USF1: variants seen among roughly 807,000 people sequenced by gnomAD.
USF1 encodes the protein upstream transcription factor 1.
USF1 carries 22 observed loss-of-function variants against 46.3 expected under a neutral mutation model. The ratio of observed to expected loss-of-function variants is 0.47; its 90% CI spans 0.34 to 0.68. The LOEUF is 0.68. Among genes scored for constraint, USF1 ranks in the 30% least tolerant of loss-of-function variants. The pLI is 0.01. For synonymous variants in USF1, 150 were observed against 147.0 expected, an observed-to-expected ratio of 1.02 and a Z score of -0.15; for missense variants, 287 against 399.3, an observed-to-expected ratio of 0.72 and a Z score of 2.40.
Position 161,042,582 on chromosome 1 carries a change from G to A in USF1, c.147C>T (p.Tyr49=), listed in dbSNP as rs759496934. The stretch of plus-strand genomic sequence containing the variant: ...GGCCCCCATTCTCAGTTCGGAAGAC[G>A]TACTTGACGTTGGGGTCAGGGAAGG... ...AATFPDPNVK[Y]VFRTENGGQV... The change falls in exon 4 of 11, where the codon TAC becomes TAT. Residue 49 remains tyrosine, a synonymous_variant. Transcript: ENST00000368021. The A allele has an allele frequency of 8.7e-6, 14 of 1,614,242 alleles. No individual in the cohort carries two copies. Among genetic ancestry groups the A allele is most frequent in the East Asian group, 6.7e-5 (3 of 44,892 alleles).
At chr1:161,043,467 C>A in intron 1 of USF1, 107 bp from the exon 2 acceptor site, 1 of 795,460 alleles carries the variant, frequency 1.3e-6, no homozygotes, top group Non-Finnish European at 2.0e-6. Context: ...ACCCAGTCAT[C>A]TGCAGGGGAC....
chr1:161,045,135 G>C (rs1033129524), intron 1 of USF1, among the ~76,000 whole-genome samples: 7 of 152,188 alleles, frequency 4.6e-5, no homozygotes, highest in Admixed American at 2.0e-4. Context: ...CTGACTGCAG[G>C]GGAAGGCAAT....
rs2102011051 is a variant in USF1 at position 161,040,262 on chromosome 1, C to T, written c.783G>A (p.Leu261=). 6.2e-7 allele frequency: 1 copy of T among 1,614,172 alleles called. No individual in the cohort carries two copies. Among genetic ancestry groups the T allele is most frequent in the Non-Finnish European group, 8.5e-7 (1 of 1,180,036 alleles). The change falls in exon 10 of 11, where the codon TTG becomes TTA. Residue 261 remains leucine (L), a synonymous_variant. Coordinates refer to ENST00000368021, the MANE Select transcript of USF1 (RefSeq NM_007122.5). The surrounding 1 kb of genome is among the most constrained non-coding windows in gnomAD (Gnocchi z 4.0). ...IQELRQSNHR[L]SEELQGLDQL... Reference sequence around the variant, plus strand: ...GGTCAAGTCCCTGCAGTTCTTCAGACAAGCGGTGGTTACTCTGCCGAAGCT... The same window carrying T: ...GGTCAAGTCCCTGCAGTTCTTCAGATAAGCGGTGGTTACTCTGCCGAAGCT...
intron 4 of USF1, 116 bp downstream of exon 4, chr1:161,042,439 C>T (rs1650606824): frequency 2.5e-6 from 3 of 1,211,896 alleles, no homozygotes; most frequent in Non-Finnish European, 3.5e-6. Context: ...CCCTCCCCTG[C>T]AACAGTCCAC....
Position 161,042,179 on chromosome 1 carries a change from C to T in USF1, c.213G>A (p.Leu71=), listed in dbSNP as rs1650594375. Reference sequence around the variant, plus strand: ...CGCCAGTTCCCTCAGTTTGGCCATCCAGCTGCCCCTCAGACACCTGGATCA... The same window carrying T: ...CGCCAGTTCCCTCAGTTTGGCCATCTAGCTGCCCCTCAGACACCTGGATCA... The part of the protein sequence containing the change: ...YRVIQVSEGQ[L]DGQTEGTGAI... Residue 71 remains leucine (L), a synonymous_variant, in exon 5 of 11, where the codon CTG becomes CTA. Coordinates refer to ENST00000368021, the MANE Select transcript of USF1 (RefSeq NM_007122.5). 1.2e-6 allele frequency: 2 copies of T among 1,613,902 alleles called. No individual in the cohort carries two copies. Among genetic ancestry groups the T allele is most frequent in the Admixed American group, 3.3e-5 (2 of 59,982 alleles).
chr1:161,040,503 T>G lies in USF1; in HGVS notation c.714+73A>C. On this transcript the variant is annotated intron_variant, in intron 9 of 10. Transcript: ENST00000368021. The surrounding 1 kb of genome is among the most constrained non-coding windows in gnomAD (Gnocchi z 4.0). ...GACTACTGTCATGTGTGCCCCTCTC[T>G]CTACCATTTCTGGAAACAATACCAG... The G allele has an allele frequency of 6.3e-7, 1 of 1,578,988 alleles. No homozygotes were observed. The highest frequency in any genetic ancestry group is 8.6e-7 in the Non-Finnish European group (1 of 1,159,832).
At position 161,040,338 on chromosome 1, in the gene USF1, A is replaced by G. The variant is rs756890446; in HGVS notation, c.715-8T>C. 40 of 1,613,694 alleles carry G rather than the reference A, an allele frequency of 2.5e-5. No individual in the cohort carries two copies. Among genetic ancestry groups the G allele is most frequent in the Middle Eastern group, 3.3e-4 (2 of 6,058 alleles). On this transcript the variant is annotated splice_region_variant and splice_polypyrimidine_tract_variant and intron_variant, in intron 9 of 10. Transcript: ENST00000368021. The surrounding 1 kb of genome is among the most constrained non-coding windows in gnomAD (Gnocchi z 4.0). The stretch of plus-strand genomic sequence containing the variant: ...TAGAATCCCACCTTTACTCTGCAAG[A>G]TAAGGTCAACAAAATGAGAACTAGG...
chr1:161,045,494 G>A (rs931744816), intron 1 of USF1, among the ~76,000 whole-genome samples: 1 of 152,236 alleles, frequency 6.6e-6, no homozygotes, highest in Non-Finnish European at 1.5e-5. Flanking sequence ...GCGCCCGCCA[G>A]GCGCGAGCCC....
At chr1:161,041,948 A>G (rs1650583010) in intron 5 of USF1, 102 bp from the exon 6 acceptor site, 3 of 316,366 alleles carry the variant, frequency 9.5e-6, no homozygotes, top group Admixed American at 5.9e-5. Context: ...GGTAGGGTGG[A>G]GAGAGAGAGA....
intron 1 of USF1, among the ~76,000 whole-genome samples, chr1:161,045,585 C>A (rs1238374081): frequency 6.6e-6 from 1 of 152,200 alleles, no homozygotes; most frequent in Non-Finnish European, 1.5e-5. Context: ...AGGAAAGGGC[C>A]TCGGGGACTA....
chr1:161,040,464 T>C lies in USF1; in HGVS notation c.714+112A>G. Reference sequence around the variant, plus strand: ...AATATCTCCCAGGGATACAGGAACCTCAGGGAGAGATAAGACTACTGTCAT... The same window carrying C: ...AATATCTCCCAGGGATACAGGAACCCCAGGGAGAGATAAGACTACTGTCAT... On this transcript the variant is annotated intron_variant, in intron 9 of 10. Transcript: ENST00000368021. This position sits in a 1 kb window ranked among gnomAD's most constrained non-coding sequence, Gnocchi z 4.0. The C allele has an allele frequency of 6.4e-7, 1 of 1,551,434 alleles. No individual in the cohort carries two copies. Among genetic ancestry groups the C allele is most frequent in the Middle Eastern group, 1.7e-4 (1 of 5,760 alleles).
Position 161,040,883 on chromosome 1 carries a change from A to G in USF1, c.561-11T>C. On this transcript the variant is annotated splice_polypyrimidine_tract_variant and intron_variant, in intron 7 of 10. Coordinates refer to ENST00000368021, the MANE Select transcript of USF1 (RefSeq NM_007122.5). This position sits in a 1 kb window ranked among gnomAD's most constrained non-coding sequence, Gnocchi z 4.0. ...GGAGCTTCTGACTTCCTGACAACAG[A>G]GCCCAGGGTGGCCAGAGTAAGAAGA... The G allele has an allele frequency of 6.2e-7, 1 of 1,614,012 alleles. No individual in the cohort carries two copies. The highest frequency in any genetic ancestry group is 2.2e-5 in the East Asian group (1 of 44,874).
rs370929228 is a variant in USF1, at chr1:161,041,668, G to A, written c.455C>T (p.Ala152Val). The part of the protein sequence containing the change: ...TQGSEALLGQ[A>V]TPPGTGQFFV... ...TATCTCACCAGTGCCAGGAGGGGTC[G>A]CCTGCCCCAGCAGTGCCTCTGAGCC... The change falls in exon 6 of 11, where the codon GCG (alanine) becomes GTG (valine). Residue 152 changes from alanine (A) to valine (V), a missense_variant. Coordinates refer to ENST00000368021, the MANE Select transcript of USF1 (RefSeq NM_007122.5). 1.4e-5 allele frequency: 22 copies of A among 1,609,332 alleles called. No individual in the cohort carries two copies. The highest frequency in any genetic ancestry group is 2.2e-5 in the East Asian group (1 of 44,716).
At chr1:161,045,755 T>G (rs935923321) in intron 1 of USF1, 103 bp downstream of exon 1, 1 of 152,952 alleles carries the variant, frequency 6.5e-6, no homozygotes, top group African/African-American at 2.4e-5. Flanking sequence ...AAAGGCTTCC[T>G]CCCCAGCAGT....
At chr1:161,042,280 C>A in intron 4 of USF1, 63 bp from the exon 5 acceptor site, 1 of 1,508,524 alleles carries the variant, frequency 6.6e-7, no homozygotes, top group Non-Finnish European at 9.0e-7. Context: ...GTTGGGAATC[C>A]TAGGGCCCCT....
chr1:161,041,450 A>G (rs913932080), intron 6 of USF1, 39 bp from the exon 7 acceptor site: 2 of 1,598,662 alleles, frequency 1.3e-6, no homozygotes, highest in Non-Finnish European at 1.7e-6. Context: ...GGACATGGGT[A>G]GGAACCTCAC....
chr1:161,042,140 G>A lies in USF1; in HGVS notation c.252C>T (p.Tyr84=), dbSNP rs758300704. The change falls in exon 5 of 11, where the codon TAC becomes TAT. Residue 84 remains tyrosine, a synonymous_variant. Coordinates refer to ENST00000368021, the MANE Select transcript of USF1 (RefSeq NM_007122.5). ...CCTGGGTCATGGATTGAGTGGCAGG[G>A]TAGCCACTGATGGCGCCAGTTCCCT... ...QTEGTGAISG[Y]PATQSMTQAV... The A allele has an allele frequency of 6.9e-5, 112 of 1,613,120 alleles. No homozygotes were observed. Among genetic ancestry groups the A allele is most frequent in the Non-Finnish European group, 8.9e-5 (105 of 1,179,846 alleles).
intron 2 of USF1, 74 bp from the exon 3 acceptor site, chr1:161,042,956 T>TG: frequency 6.3e-7 from 1 of 1,599,120 alleles, no homozygotes; most frequent in South Asian, 1.1e-5. Flanking sequence ...CAGTAACATA[T>TG]GGCTGCAAAC....
At chr1:161,041,261 C>CAG in intron 7 of USF1, 63 bp downstream of exon 7, 2 of 664,486 alleles carry the variant, frequency 3.0e-6, no homozygotes, top group South Asian at 4.1e-5. Context: ...GACTCTGTCT[C>CAG]AAAAAAAAAA....
Sources: allele counts gnomAD v4.1 joint callset (sites outside exome capture counted in the v4.1 genomes callset), GRCh38; gene constraint gnomAD v4.1.1; non-coding constraint Gnocchi (gnomAD v3.1); transcripts MANE v1.5; gene names NCBI Gene and HGNC (gene_info 2026-07-23, HGNC 2026-07-21).